Variants in SGCZ observed in about 807,000 individuals in gnomAD.
SGCZ encodes the protein sarcoglycan zeta.
SGCZ carries 40 observed loss-of-function variants against 41.3 expected under a neutral mutation model. The ratio of observed to expected loss-of-function variants is 0.97; its 90% CI spans 0.75 to 1.26. SGCZ has a LOEUF of 1.26. Ranked by LOEUF, SGCZ falls within the 50% of genes most tolerant of loss-of-function variation. SGCZ has a pLI of 0.00. For synonymous variants in SGCZ, 206 were observed against 137.5 expected (o/e 1.50, Z -3.49); for missense variants, 552 against 369.8 (o/e 1.49, Z -4.04).
chr8:14,577,779 G>A (rs990474861), intron 1 of SGCZ, among the ~76,000 whole-genome samples: 3 of 152,072 alleles, frequency 2.0e-5, no homozygotes, highest in Admixed American at 6.5e-5. Flanking sequence ...TCTGAATTTC[G>A]TGCATCCATT....
intron 1 of SGCZ, among the ~76,000 whole-genome samples, chr8:14,795,185 A>G (rs1221164845): frequency 2.0e-5 from 3 of 152,348 alleles, no homozygotes; most frequent in Non-Finnish European, 4.4e-5. Flanking sequence ...AACATAGGAT[A>G]CATGTGAAAG....
intron 1 of SGCZ, among the ~76,000 whole-genome samples, chr8:14,612,306 C>G (rs531646999): frequency 6.6e-6 from 1 of 152,128 alleles, no homozygotes; most frequent in Non-Finnish European, 1.5e-5. Context: ...CTCATGAGAT[C>G]TGATGCTTTA....
intron 1 of SGCZ, among the ~76,000 whole-genome samples, chr8:14,825,247 C>T (rs570830474): frequency 6.6e-6 from 1 of 152,082 alleles, no homozygotes; most frequent in Non-Finnish European, 1.5e-5. Flanking sequence ...TCTGTGAAAT[C>T]CTTAGCAAGA....
Position 14,996,841 on chromosome 8 carries a change from G to A in SGCZ, c.39+240744C>T, listed in dbSNP as rs144706466. ...TGTATTTGATAGTTATTCACCACTT[G>A]GATCCTTGGCCAACTTGAGAGGCAC... On this transcript the variant is annotated intron_variant, in intron 1 of 7. Transcript: ENST00000382080. Among the ~76,000 whole-genome samples the A allele has an allele frequency of 1.4e-3, 211 of 152,270 alleles. 1 individual carries two copies. Among genetic ancestry groups the A allele is most frequent in the Admixed American group, 6.4e-3 (98 of 15,308 alleles).
At position 15,050,459 on chromosome 8, in the gene SGCZ, T is replaced by C. The variant is rs529587287; in HGVS notation, c.39+187126A>G. ...GTATTGAGCTTAGGCATAGGATCTATTGGTACATGTACATTCTGGAGTTGC... is the reference window on the plus strand; with the variant it reads ...GTATTGAGCTTAGGCATAGGATCTACTGGTACATGTACATTCTGGAGTTGC... On this transcript the variant is annotated intron_variant, in intron 1 of 7. Coordinates refer to ENST00000382080, the MANE Select transcript of SGCZ (RefSeq NM_139167.4). 3.9e-5 allele frequency among the ~76,000 whole-genome samples: 6 copies of C among 152,276 alleles called. No individual in the cohort carries two copies. In the East Asian group the frequency reaches 9.7e-4, roughly 25 times the overall value.
chr8:14,590,058 G>A (rs1446569539), intron 1 of SGCZ, among the ~76,000 whole-genome samples: 1 of 152,042 alleles, frequency 6.6e-6, no homozygotes, highest in Non-Finnish European at 1.5e-5. Context: ...CTTTATGTGT[G>A]TACAGTAGTA....
chr8:14,458,616 G>A (rs185177151), intron 2 of SGCZ, among the ~76,000 whole-genome samples: 1 of 152,046 alleles, frequency 6.6e-6, no homozygotes, highest in African/African-American at 2.4e-5. Context: ...CATAGATAAG[G>A]AAATAAATAA....
intron 3 of SGCZ, among the ~76,000 whole-genome samples, chr8:14,254,755 T>C (rs1372987460): frequency 1.3e-5 from 2 of 149,376 alleles, no homozygotes; most frequent in African/African-American, 4.9e-5. Context: ...CGTCTTTTTT[T>C]TTCTGGAGGA....
intron 1 of SGCZ, among the ~76,000 whole-genome samples, chr8:14,987,832 G>C (rs568577997): frequency 1.3e-5 from 2 of 151,932 alleles, no homozygotes; most frequent in African/African-American, 4.8e-5. Context: ...ATTGCATAAA[G>C]TTACATATCA....
intron 1 of SGCZ, among the ~76,000 whole-genome samples, chr8:14,963,532 C>A (rs543176719): frequency 6.6e-6 from 1 of 151,802 alleles, no homozygotes; most frequent in Non-Finnish European, 1.5e-5. Flanking sequence ...ATTTTTAGTA[C>A]GGACAGGGTT....
At chr8:14,217,731 G>T (rs748685923) in intron 4 of SGCZ, among the ~76,000 whole-genome samples, 22 of 144,146 alleles carry the variant, frequency 1.5e-4, no homozygotes, top group Non-Finnish European at 3.0e-4. Context: ...CTGCGTTCAA[G>T]CAATTCTCCT....
chr8:14,543,834 AT>A (rs1803542368), intron 2 of SGCZ, among the ~76,000 whole-genome samples: 1 of 152,178 alleles, frequency 6.6e-6, no homozygotes, highest in Admixed American at 6.6e-5. Flanking sequence ...CTGAGTTCAA[AT>A]TCTGTTTGAC....
At chr8:15,192,238 C>CT (rs1203891148) in intron 1 of SGCZ, among the ~76,000 whole-genome samples, 6 of 151,954 alleles carry the variant, frequency 3.9e-5, no homozygotes, top group Admixed American at 2.6e-4. Context: ...TCTTTTATTC[C>CT]TTTCAACAGC....
At chr8:14,966,867 T>C (rs1317713741) in intron 1 of SGCZ, among the ~76,000 whole-genome samples, 2 of 152,142 alleles carry the variant, frequency 1.3e-5, no homozygotes, top group Non-Finnish European at 2.9e-5. Context: ...ACGGGAAAGC[T>C]GTAAATTTAA....
chr8:14,190,014 C>CTTTTTTTTTTTTTTT (rs71304966), intron 4 of SGCZ, among the ~76,000 whole-genome samples: 3 of 100,202 alleles, frequency 3.0e-5, no homozygotes, highest in African/African-American at 7.1e-5. Context: ...TTCTTTCTTT[C>CTTTTTTTTTTTTTTT]TTTTTTTTTT....
chr8:14,498,459 G>A (rs1802056876), intron 2 of SGCZ, among the ~76,000 whole-genome samples: 1 of 152,036 alleles, frequency 6.6e-6, no homozygotes, highest in South Asian at 2.1e-4. Context: ...AATCTATATT[G>A]ACAACCATGA....
chr8:14,104,438 A>T (rs1230320477), intron 6 of SGCZ, among the ~76,000 whole-genome samples: 1 of 152,100 alleles, frequency 6.6e-6, no homozygotes, highest in South Asian at 2.1e-4. Flanking sequence ...TTAAAAAAAA[A>T]ATCTGTGGCC....
chr8:14,655,842 T>TTAGG (rs1354855979), intron 1 of SGCZ, among the ~76,000 whole-genome samples: 4 of 152,112 alleles, frequency 2.6e-5, no homozygotes, highest in Non-Finnish European at 5.9e-5. Context: ...TTAGGAGTGT[T>TTAGG]ACATAATTGG....
intron 3 of SGCZ, among the ~76,000 whole-genome samples, chr8:14,268,467 A>T (rs1799951527): frequency 6.6e-6 from 1 of 151,692 alleles, no homozygotes; most frequent in African/African-American, 2.4e-5. Flanking sequence ...AATAGTTAAT[A>T]CTTGCATATT....
Sources: gnomAD v4.1 joint callset for allele counts (sites outside exome capture counted in the v4.1 genomes callset) on GRCh38, gnomAD v4.1.1 for gene constraint, MANE v1.5 for transcripts, NCBI Gene and HGNC (gene_info 2026-07-23, HGNC 2026-07-21) for gene names.